The following ACOXL variants were observed in gnomAD, a reference collection of about 807,000 sequenced individuals.
The protein encoded by ACOXL is acyl-CoA oxidase like.
ACOXL carries 70 observed loss-of-function variants against 71.9 expected under a neutral mutation model. The observed-to-expected ratio is 0.97, with a 90% confidence interval of 0.80 to 1.19. The LOEUF is 1.19. ACOXL is among the 50% of genes most tolerant of loss of function. ACOXL has a pLI of 0.00. For missense variants in ACOXL, 703 were observed against 736.3 expected, an observed-to-expected ratio of 0.95 and a Z score of 0.52; for synonymous variants, 253 against 281.6, an observed-to-expected ratio of 0.90 and a Z score of 1.02.
chr2:110,993,244 T>C (rs1238259618), intron 13 of ACOXL, among the ~76,000 whole-genome samples: 2 of 152,236 alleles, frequency 1.3e-5, no homozygotes, highest in African/African-American at 4.8e-5. Context: ...ACCAAACTCA[T>C]ATTAAGATAC....
chr2:110,980,683 C>T (rs1039442591), intron 12 of ACOXL, among the ~76,000 whole-genome samples: 21 of 152,156 alleles, frequency 1.4e-4, no homozygotes, highest in Non-Finnish European at 1.6e-4. Context: ...TTCCCCAAAG[C>T]GCCTGGATAA....
chr2:111,045,645 C>T (rs1319104577), intron 15 of ACOXL, among the ~76,000 whole-genome samples: 1 of 152,090 alleles, frequency 6.6e-6, no homozygotes, highest in African/African-American at 2.4e-5. Context: ...GGTTTTCACC[C>T]CCTCTTCTCT....
chr2:110,751,543 A>G (rs1348286976), intron 1 of ACOXL, among the ~76,000 whole-genome samples: 1 of 152,196 alleles, frequency 6.6e-6, no homozygotes, highest in Non-Finnish European at 1.5e-5. Context: ...CATACTGCTA[A>G]GAAGACTTCA....
At chr2:110,775,213 A>C (rs1305068575) in intron 2 of ACOXL, among the ~76,000 whole-genome samples, 1 of 152,242 alleles carries the variant, frequency 6.6e-6, no homozygotes, top group Non-Finnish European at 1.5e-5. Context: ...ACTAATAAAA[A>C]ATTCAAAGAA....
chr2:111,042,067 A>G (rs1048045413), intron 15 of ACOXL, among the ~76,000 whole-genome samples: 1 of 152,168 alleles, frequency 6.6e-6, no homozygotes, highest in Non-Finnish European at 1.5e-5. Flanking sequence ...AACTGCTCAC[A>G]TCTAGGATTT....
At position 110,893,398 on chromosome 2, in the gene ACOXL, A is replaced by G. The variant is rs556787526; in HGVS notation, c.789-15391A>G. 2.0e-5 allele frequency among the ~76,000 whole-genome samples: 3 copies of G among 152,336 alleles called. No individual in the cohort carries two copies. The South Asian group carries it at 6.2e-4, about 32-fold the overall frequency. ...AATAATCAAAAAAAGGCAAATTAAA[A>G]TGAGATAATATTTTACTTTGTTGAA... On this transcript the variant is annotated intron_variant, in intron 10 of 17. Coordinates refer to ENST00000439055, the MANE Select transcript of ACOXL (RefSeq NM_001142807.4).
chr2:110,930,346 C>T (rs1215322230), intron 11 of ACOXL, among the ~76,000 whole-genome samples: 1 of 152,216 alleles, frequency 6.6e-6, no homozygotes, highest in Non-Finnish European at 1.5e-5. Flanking sequence ...GCCAATTTCT[C>T]CCATTTGGAA....
At chr2:110,963,990 A>G (rs10167918) in intron 12 of ACOXL, among the ~76,000 whole-genome samples, 34,008 of 152,164 alleles carry the variant, frequency 0.22, 4,580 homozygotes, top group Middle Eastern at 0.31. Context: ...AAGGCCCCAG[A>G]AGATGAACAA....
chr2:110,846,794 G>GC (rs1389649894), intron 10 of ACOXL, among the ~76,000 whole-genome samples: 3 of 151,862 alleles, frequency 2.0e-5, no homozygotes, highest in African/African-American at 7.2e-5. Context: ...TGTTGGGGGG[G>GC]GTGTATGTGT....
At chr2:110,991,983 T>G (rs2063192342) in intron 13 of ACOXL, among the ~76,000 whole-genome samples, 1 of 152,216 alleles carries the variant, frequency 6.6e-6, no homozygotes, top group Non-Finnish European at 1.5e-5. Flanking sequence ...GTTCCATCCT[T>G]GCAGGAAACT....
intron 9 of ACOXL, among the ~76,000 whole-genome samples, chr2:110,808,978 G>C (rs1378466490): frequency 6.6e-6 from 1 of 152,214 alleles, no homozygotes; most frequent in Non-Finnish European, 1.5e-5. Flanking sequence ...GGAGTGGAAA[G>C]AGTGAATGAG....
intron 11 of ACOXL, among the ~76,000 whole-genome samples, chr2:110,928,574 A>C (rs955043407): frequency 6.6e-6 from 1 of 152,238 alleles, no homozygotes; most frequent in African/African-American, 2.4e-5. Context: ...TGGTCTTTTT[A>C]TACAAAATAA....
At chr2:110,968,014 A>G (rs1279204530) in intron 12 of ACOXL, 5 of 1,002,092 alleles carry the variant, frequency 5.0e-6, no homozygotes, top group Non-Finnish European at 7.8e-6. Flanking sequence ...CAGAGATATC[A>G]TTAGTCAGAT....
chr2:110,810,265 A>T (rs1352137323), intron 9 of ACOXL, among the ~76,000 whole-genome samples: 1 of 152,164 alleles, frequency 6.6e-6, no homozygotes. Context: ...TGTCTTCTGG[A>T]ATCACTTTGT....
chr2:110,811,325 G>T (rs1378016531), intron 9 of ACOXL, among the ~76,000 whole-genome samples: 2 of 152,160 alleles, frequency 1.3e-5, no homozygotes, highest in African/African-American at 4.8e-5. Context: ...TGGGGGGTCA[G>T]TGTGGGGACT....
intron 10 of ACOXL, among the ~76,000 whole-genome samples, chr2:110,908,353 A>T (rs2059533946): frequency 6.6e-6 from 1 of 152,206 alleles, no homozygotes; most frequent in South Asian, 2.1e-4. Context: ...TGTGAATCTG[A>T]CAGGAGCACC....
In ACOXL at chr2:110,933,727, C is replaced by G. The variant is rs2060564350; in HGVS notation, c.1059+85C>G. On this transcript the variant is annotated intron_variant, in intron 12 of 17. Coordinates refer to ENST00000439055, the MANE Select transcript of ACOXL (RefSeq NM_001142807.4). ...CACTGTGGGGCGGGCAGATAACATG[C>G]TTCAGAGTCTAATAGAAATCCCAAC... 5.5e-6 allele frequency: 8 copies of G among 1,454,518 alleles called. No homozygotes were observed. In the East Asian group the frequency reaches 1.7e-4, roughly 31 times the overall value. The allele number at this position is 1,454,518 out of a possible 1,614,324, so 90.1% of individuals were successfully genotyped here. A position where few individuals can be genotyped will look rare whatever the true frequency, so the allele number is the denominator to read the frequency against.
chr2:111,085,666 GA>G lies in ACOXL; in HGVS notation c.1441-7197del, dbSNP rs570665850. Among the ~76,000 whole-genome samples the G allele has an allele frequency of 2.0e-3, 303 of 151,988 alleles. 2 individuals carry two copies. Among genetic ancestry groups the G allele is most frequent in the African/African-American group, 7.1e-3 (295 of 41,470 alleles). On this transcript the variant is annotated intron_variant, in intron 16 of 17. Transcript: ENST00000439055. The stretch of plus-strand genomic sequence containing the variant: ...TAATTACCCAACATTACAACTAGAG[GA>G]ACTAAAGAAGCAAGAGCAAACCAAC...
At chr2:110,800,962 T>A (rs1026818208) in intron 7 of ACOXL, among the ~76,000 whole-genome samples, 1 of 152,168 alleles carries the variant, frequency 6.6e-6, no homozygotes, top group East Asian at 1.9e-4. Context: ...TACATGCAAG[T>A]GTGTCCTTGT....
Sources: gnomAD v4.1 joint callset for allele counts (sites outside exome capture counted in the v4.1 genomes callset) on GRCh38, gnomAD v4.1.1 for gene constraint, MANE v1.5 for transcripts, NCBI Gene and HGNC (gene_info 2026-07-23, HGNC 2026-07-21) for gene names.